Variants in ADAMTSL1 observed in about 807,000 individuals in gnomAD.
ADAMTSL1 encodes the protein ADAMTS like 1.
In ADAMTSL1, 126 loss-of-function variants were observed where a neutral mutation model predicts 201.8. The observed-to-expected ratio is 0.62, with a 90% CI of 0.54 to 0.72. The LOEUF is 0.72. Among genes scored for constraint, ADAMTSL1 ranks in the 30% least tolerant of loss-of-function variants. The pLI, the probability that ADAMTSL1 is intolerant of heterozygous loss-of-function variation, is 0.00. For synonymous variants in ADAMTSL1, 1,121 were observed against 903.4 expected (o/e 1.24, Z -4.32); for missense variants, 2,679 against 2,277.8 (o/e 1.18, Z -3.59).
intron 3 of ADAMTSL1, among the ~76,000 whole-genome samples, chr9:18,552,385 TAC>T (rs1820841735): frequency 6.6e-6 from 1 of 151,854 alleles, no homozygotes. Context: ...ATGGGGCATT[TAC>T]ATTTTTCTTT....
At chr9:18,431,366 T>A (rs1051781242) in intron 2 of ADAMTSL1, among the ~76,000 whole-genome samples, 2 of 152,214 alleles carry the variant, frequency 1.3e-5, no homozygotes, top group African/African-American at 4.8e-5. Context: ...AGTGTATCAG[T>A]GTGGCTCATT....
intron 9 of ADAMTSL1, among the ~76,000 whole-genome samples, chr9:18,674,221 C>G (rs1830005077): frequency 9.3e-6 from 1 of 107,522 alleles, no homozygotes; most frequent in African/African-American, 3.5e-5. Context: ...CACACACACA[C>G]AAACACACAC....
At chr9:17,964,415 A>T (rs964578572) in intron 1 of ADAMTSL1, among the ~76,000 whole-genome samples, 1 of 152,152 alleles carries the variant, frequency 6.6e-6, no homozygotes, top group African/African-American at 2.4e-5. Context: ...AATTATAGCG[A>T]TGAAAACAAA....
intron 1 of ADAMTSL1, among the ~76,000 whole-genome samples, chr9:17,996,707 C>T (rs1036409985): frequency 6.6e-6 from 1 of 152,082 alleles, no homozygotes; most frequent in African/African-American, 2.4e-5. Context: ...TGCCCAACCC[C>T]AGCTCTCTTA....
intron 1 of ADAMTSL1, among the ~76,000 whole-genome samples, chr9:18,124,316 C>T (rs745598023): frequency 3.9e-5 from 6 of 151,926 alleles, no homozygotes; most frequent in African/African-American, 7.3e-5. Context: ...CTCTTGACCT[C>T]GTGATCTGCC....
At chr9:18,880,762 C>T (rs998840975) in intron 23 of ADAMTSL1, among the ~76,000 whole-genome samples, 1 of 152,164 alleles carries the variant, frequency 6.6e-6, no homozygotes, top group Non-Finnish European at 1.5e-5. Context: ...AGAGAGTCAG[C>T]CTGTCCTTTG....
chr9:18,108,169 G>A (rs938333236), intron 1 of ADAMTSL1, among the ~76,000 whole-genome samples: 7 of 148,114 alleles, frequency 4.7e-5, no homozygotes, highest in South Asian at 2.2e-4. Flanking sequence ...AAGTATTCAC[G>A]TTAACTCTTA....
At position 18,675,880 on chromosome 9, in the gene ADAMTSL1, C is replaced by G; in HGVS notation, c.1109C>G (p.Pro370Arg). 3 of 1,613,186 alleles carry G rather than the reference C, an allele frequency of 1.9e-6. No individual in the cohort carries two copies. The highest frequency in any genetic ancestry group is 2.5e-6 in the Non-Finnish European group (3 of 1,179,318). ...PASDGYKQIMPYDLYHPLPRW... is the reference protein window; with the variant it reads ...PASDGYKQIMRYDLYHPLPRW... Reference sequence around the variant, plus strand: ...AGTGACGGATACAAGCAGATCATGCCTTATGACCTCTACCATCCCCTTCCT... The same window carrying G: ...AGTGACGGATACAAGCAGATCATGCGTTATGACCTCTACCATCCCCTTCCT... Residue 370 changes from proline (P) to arginine (R), a missense_variant, in exon 10 of 29, where the codon CCT becomes CGT. By Grantham distance (103) the Pro-to-Arg change is moderately radical. Coordinates refer to ENST00000380548, the MANE Select transcript of ADAMTSL1 (RefSeq NM_001040272.6).
chr9:18,362,804 A>T (rs1253431221), intron 2 of ADAMTSL1, among the ~76,000 whole-genome samples: 1 of 152,202 alleles, frequency 6.6e-6, no homozygotes, highest in East Asian at 1.9e-4. Flanking sequence ...GTTTGCTGTT[A>T]GTTAGGCAAA....
intron 2 of ADAMTSL1, among the ~76,000 whole-genome samples, chr9:18,521,442 A>T (rs2132031630): frequency 6.6e-6 from 1 of 151,858 alleles, no homozygotes; most frequent in East Asian, 1.9e-4. Context: ...CCTACTAGAT[A>T]CCCACAAAAA....
intron 21 of ADAMTSL1, among the ~76,000 whole-genome samples, chr9:18,823,413 C>G (rs540177663): frequency 6.6e-6 from 1 of 152,226 alleles, no homozygotes; most frequent in African/African-American, 2.4e-5. Context: ...CAAACAAGCA[C>G]AATTTTAGAA....
At chr9:18,178,977 C>T (rs923680581) in intron 2 of ADAMTSL1, among the ~76,000 whole-genome samples, 2 of 152,220 alleles carry the variant, frequency 1.3e-5, no homozygotes, top group Non-Finnish European at 2.9e-5. Context: ...CGCCTCTCCT[C>T]CTCCAAAGGA....
At chr9:18,784,181 C>T (rs1464446742) in intron 19 of ADAMTSL1, among the ~76,000 whole-genome samples, 1 of 152,196 alleles carries the variant, frequency 6.6e-6, no homozygotes, top group African/African-American at 2.4e-5. Flanking sequence ...GGAAGCCTAT[C>T]CCCAAAGCCA....
intron 2 of ADAMTSL1, among the ~76,000 whole-genome samples, chr9:18,253,789 C>A (rs1482456229): frequency 1.3e-5 from 2 of 152,040 alleles, no homozygotes; most frequent in Non-Finnish European, 2.9e-5. Context: ...CCGGAGATCT[C>A]CCCTTAAATA....
At chr9:18,059,489 T>C (rs541508361) in intron 1 of ADAMTSL1, among the ~76,000 whole-genome samples, 3 of 152,322 alleles carry the variant, frequency 2.0e-5, no homozygotes, top group Admixed American at 1.3e-4. Flanking sequence ...GGTAACACTT[T>C]GGTGTATATG....
chr9:17,986,110 A>G (rs2131482366), intron 1 of ADAMTSL1, among the ~76,000 whole-genome samples: 1 of 152,266 alleles, frequency 6.6e-6, no homozygotes, highest in African/African-American at 2.4e-5. Context: ...ATTTGCACAC[A>G]GATTTAATTG....
intron 4 of ADAMTSL1, among the ~76,000 whole-genome samples, chr9:18,611,721 T>G (rs867719313): frequency 1.3e-5 from 2 of 152,058 alleles, no homozygotes; most frequent in South Asian, 4.1e-4. Flanking sequence ...TAGGAAAAAA[T>G]TATTTAAAAT....
At chr9:18,413,534 C>T (rs1818544322) in intron 2 of ADAMTSL1, among the ~76,000 whole-genome samples, 1 of 152,148 alleles carries the variant, frequency 6.6e-6, no homozygotes, top group Admixed American at 6.6e-5. Flanking sequence ...ATTTTGCCAC[C>T]AGCTCAGCTG....
intron 2 of ADAMTSL1, among the ~76,000 whole-genome samples, chr9:18,305,075 G>T (rs1265381155): frequency 6.6e-6 from 1 of 152,232 alleles, no homozygotes; most frequent in East Asian, 1.9e-4. Context: ...AGCAGGGTGG[G>T]GCATTGCCTC....
Sources: gnomAD v4.1 joint callset for allele counts (sites outside exome capture counted in the v4.1 genomes callset) on GRCh38, gnomAD v4.1.1 for gene constraint, MANE v1.5 for transcripts, NCBI Gene and HGNC (gene_info 2026-07-23, HGNC 2026-07-21) for gene names.